Variants in TSC2 observed in about 807,000 individuals in gnomAD.
TSC2 encodes tuberin.
Under a neutral mutation model 202.2 loss-of-function variants are expected in TSC2, and 29 were observed. That is an observed-to-expected ratio of 0.14 (90% CI 0.11 to 0.20). The LOEUF is 0.20. TSC2 is among the 10% of genes least tolerant of loss of function. The pLI, the probability that TSC2 is intolerant of heterozygous loss-of-function variation, is 1.00. For missense variants in TSC2, 2,429 were observed against 2,420.0 expected, an observed-to-expected ratio of 1.00 and a Z score of -0.08; for synonymous variants, 1,349 against 1,044.0, an observed-to-expected ratio of 1.29 and a Z score of -5.63.
At chr16:2,078,759 C>T (rs913612895) in intron 26 of TSC2, 9 of 526,984 alleles carry the variant, frequency 1.7e-5, no homozygotes, top group African/African-American at 1.5e-4. Context: ...CTAGTGCTCC[C>T]GTGGGCTTCG....
rs149860212 is a variant in TSC2, at chr16:2,074,317, G to C, written c.2473G>C (p.Val825Leu). 2 of 1,613,060 alleles carry C rather than the reference G, an allele frequency of 1.2e-6. No homozygotes were observed. Among genetic ancestry groups the C allele is most frequent in the Non-Finnish European group, 1.7e-6 (2 of 1,180,036 alleles). ...MPDIIIKALP[V>L]LVVKLTHISA... ...TGACATCATCATCAAGGCGCTGCCTGTTCTGGTGGTGAAGCTCACGCACAT... is the reference window on the plus strand; with the variant it reads ...TGACATCATCATCAAGGCGCTGCCTCTTCTGGTGGTGAAGCTCACGCACAT... Residue 825 changes from valine to leucine, a missense_variant, in exon 22 of 42, where the codon GTT (valine) becomes CTT (leucine). Transcript: ENST00000219476.
Position 2,080,310 on chromosome 16 carries a change from G to A in TSC2, c.3543G>A (p.Thr1181=), listed in dbSNP as rs139313964. The change falls in exon 30 of 42, where the codon ACG becomes ACA. Residue 1181 remains threonine (T), a synonymous_variant. Transcript: ENST00000219476. The part of the protein sequence containing the change: ...AGTRVPVQEK[T]NLAAYVPLLT... The stretch of plus-strand genomic sequence containing the variant: ...CCCGGGTTCCTGTGCAGGAGAAGAC[G>A]AACCTGGCGGCCTATGTGCCCCTGC... The A allele has an allele frequency of 1.1e-5, 18 of 1,612,754 alleles. No individual in the cohort carries two copies. Among genetic ancestry groups the A allele is most frequent in the Admixed American group, 5.0e-5 (3 of 60,000 alleles).
intron 11 of TSC2, chr16:2,061,091 G>C (rs185907849): frequency 2.7e-5 from 13 of 484,762 alleles, no homozygotes; most frequent in South Asian, 2.7e-4. Context: ...TGACCTGCAG[G>C]CCGCCTTCGT....
chr16:2,082,566 G>A (rs1176692534), intron 32 of TSC2, 62 bp downstream of exon 32: 4 of 1,581,680 alleles, frequency 2.5e-6, no homozygotes, highest in South Asian at 1.1e-5. Context: ...TAGGTGCTGT[G>A]CTCGTCGCCT....
intron 26 of TSC2, chr16:2,078,208 C>A: frequency 4.7e-6 from 1 of 210,704 alleles, no homozygotes. Flanking sequence ...AGGGCATGGG[C>A]ATGGGCCTGG....
chr16:2,086,104 C>T, intron 36 of TSC2, 89 bp from the exon 37 acceptor site: 2 of 1,520,802 alleles, frequency 1.3e-6, no homozygotes, highest in South Asian at 2.3e-5. Flanking sequence ...AGTGGGGCTC[C>T]CGGCAGAGCC....
intron 25 of TSC2, among the ~76,000 whole-genome samples, chr16:2,077,110 C>T (rs2089497818): frequency 6.6e-6 from 1 of 152,262 alleles, no homozygotes; most frequent in South Asian, 2.1e-4. Context: ...CTGTTGTCTC[C>T]AGCCCCTGGG....
chr16:2,086,107 G>T, intron 36 of TSC2, 86 bp from the exon 37 acceptor site: 2 of 1,534,196 alleles, frequency 1.3e-6, no homozygotes, highest in South Asian at 1.1e-5. Flanking sequence ...GGGGCTCCCG[G>T]CAGAGCCTGC....
chr16:2,056,155 C>T lies in TSC2; in HGVS notation c.600-41C>T, dbSNP rs776448117. 4 of 1,612,528 alleles carry T rather than the reference C, an allele frequency of 2.5e-6. No individual in the cohort carries two copies. In the Admixed American group the frequency reaches 5.0e-5, roughly 20 times the overall value. ...CCACAGCCCGTGGTGGCTCGGCCAT[C>T]CAGGCAGTGCTGCCGGGACTGAGCT... On this transcript the variant is annotated intron_variant, in intron 6 of 41. Transcript: ENST00000219476.
At position 2,084,573 on chromosome 16, in the gene TSC2, C is replaced by G. The variant is rs369553241; in HGVS notation, c.4351C>G (p.Arg1451Gly). ...GGGTCCCTTGCCTTCCAGCTCCCCC[C>G]GCTCGCCCAGTGGCCTCCGGCCCCG... Reference protein sequence around the residue: ...PEGPLPSSSPRSPSGLRPRGY... With the variant: ...PEGPLPSSSPGSPSGLRPRGY... The change falls in exon 34 of 42, where the codon CGC becomes GGC. Residue 1451 changes from arginine to glycine, a missense_variant. Arg to Gly is a moderately radical substitution (Grantham distance 125). Transcript: ENST00000219476. The G allele has an allele frequency of 7.5e-6, 12 of 1,607,480 alleles. No individual in the cohort carries two copies. The highest frequency in any genetic ancestry group is 4.0e-5 in the African/African-American group (3 of 75,064).
chr16:2,072,452 C>T lies in TSC2; in HGVS notation c.2220+89C>T, dbSNP rs140561294. 1.5e-5 allele frequency: 24 copies of T among 1,562,440 alleles called. No homozygotes were observed. In the African/African-American group the frequency reaches 2.3e-4, roughly 15 times the overall value. ...AGCCTCTGGGCAGAGCGAGTGAGAC[C>T]CTTCGGGCTCGGGCTCCATTTCCCT... On this transcript the variant is annotated intron_variant, in intron 20 of 41. Coordinates refer to ENST00000219476, the MANE Select transcript of TSC2 (RefSeq NM_000548.5).
chr16:2,081,563 G>A, intron 30 of TSC2, 32 bp from the exon 31 acceptor site: 1 of 1,612,722 alleles, frequency 6.2e-7, no homozygotes, highest in African/African-American at 1.3e-5. Context: ...GGAGGTACTG[G>A]CCTCAGGCCA....
intron 1 of TSC2, 56 bp downstream of exon 1, chr16:2,048,121 G>T: frequency 6.7e-7 from 1 of 1,497,466 alleles, no homozygotes. Context: ...GCGGCCTAGA[G>T]AGGCGGACCC....
rs371608199 is a variant in TSC2, at chr16:2,079,222, C to T, written c.3131+26C>T. The T allele has an allele frequency of 8.7e-5, 141 of 1,612,710 alleles. 1 individual carries two copies. Among genetic ancestry groups the T allele is most frequent in the Non-Finnish European group, 2.5e-5 (30 of 1,180,012 alleles). ...GTCCAGGCGGCACTACAGGGCTGGG[C>T]GGGCCTGCGGGAGCTCCACGGGCAA... On this transcript the variant is annotated intron_variant, in intron 27 of 41. Coordinates refer to ENST00000219476, the MANE Select transcript of TSC2 (RefSeq NM_000548.5). This position sits in a 1 kb window ranked among gnomAD's most constrained non-coding sequence, Gnocchi z 4.6.
At chr16:2,076,440 C>T (rs2089384823) in intron 24 of TSC2, 51 bp from the exon 25 acceptor site, 2 of 1,608,590 alleles carry the variant, frequency 1.2e-6, no homozygotes, top group African/African-American at 1.3e-5. Context: ...TGGTGAGGGC[C>T]TCCAGCCCCC....
chr16:2,075,665 A>G, intron 22 of TSC2, 134 bp from the exon 23 acceptor site: 1 of 907,754 alleles, frequency 1.1e-6, no homozygotes. Flanking sequence ...GGGTCGGGAA[A>G]GCCACGTCCG....
At chr16:2,051,605 G>C (rs955591030) in intron 3 of TSC2, among the ~76,000 whole-genome samples, 4 of 152,222 alleles carry the variant, frequency 2.6e-5, no homozygotes, top group African/African-American at 9.6e-5. Flanking sequence ...GTTGCTGGTA[G>C]AGCACCTGAG....
In TSC2 at chr16:2,079,080, G is replaced by C. The variant is rs2151431602; in HGVS notation, c.3015G>C (p.Glu1005Asp). The C allele has an allele frequency of 6.2e-7, 1 of 1,612,984 alleles. No homozygotes were observed. The highest frequency in any genetic ancestry group is 8.5e-7 in the Non-Finnish European group (1 of 1,180,020). Residue 1005 changes from glutamate (E) to aspartate (D), a missense_variant, in exon 27 of 42, where the codon GAG becomes GAC. Coordinates refer to ENST00000219476, the MANE Select transcript of TSC2 (RefSeq NM_000548.5). The surrounding 1 kb of genome is among the most constrained non-coding windows in gnomAD (Gnocchi z 4.6). ...GTGCCAGCTTGGGGTCTGCAGATGA[G>C]AACTCCGTGGCCCAGGCTGACGATA... The part of the protein sequence containing the change: ...LTSASLGSAD[E>D]NSVAQADDSL...
In TSC2 at chr16:2,086,387, C is replaced by T. The variant is rs1424021009; in HGVS notation, c.4849+8C>T. The T allele has an allele frequency of 6.2e-7, 1 of 1,611,546 alleles. No individual in the cohort carries two copies. Among genetic ancestry groups the T allele is most frequent in the Non-Finnish European group, 8.5e-7 (1 of 1,179,418 alleles). ...ACGATGACATCATGCAAGGTACGGC[C>T]TGGCGCCTACCCGCTCCTGCTGCCC... On this transcript the variant is annotated splice_region_variant and intron_variant, in intron 37 of 41. Transcript: ENST00000219476.
Sources: allele counts gnomAD v4.1 joint callset (sites outside exome capture counted in the v4.1 genomes callset), GRCh38; gene constraint gnomAD v4.1.1; non-coding constraint Gnocchi (gnomAD v3.1); transcripts MANE v1.5; gene names NCBI Gene and HGNC (gene_info 2026-07-23, HGNC 2026-07-21).